Variants in EBF2 observed in about 807,000 individuals in gnomAD.
EBF2 encodes EBF transcription factor 2.
A neutral mutation model predicts 72.8 loss-of-function variants in EBF2; 21 were observed. That is an observed-to-expected ratio of 0.29 (90% confidence interval 0.20 to 0.42). The LOEUF is 0.42. Among genes scored for constraint, EBF2 ranks in the 10% least tolerant of loss-of-function variants. The probability of loss-of-function intolerance (pLI) is 1.00; values close to 1 mark genes in which losing one functional copy is unlikely to be tolerated. For missense variants in EBF2, 637 were observed against 731.2 expected (o/e 0.87, Z 1.49); for synonymous variants, 299 against 274.2 (o/e 1.09, Z -0.89).
In EBF2 at chr8:25,843,091, C is replaced by G. The variant is rs1801766604; in HGVS notation, c.*1518G>C. 1 of 152,174 alleles carries G rather than the reference C, an allele frequency of 6.6e-6. No individual in the cohort carries two copies. Among genetic ancestry groups the G allele is most frequent in the Admixed American group, 6.5e-5 (1 of 15,272 alleles). The allele number at this position is 152,174 out of a possible 1,614,324, so 9.4% of individuals were successfully genotyped here. ...GTTAGCAGCTAAGGCAAGGTTCTTC[C>G]CCTCTAAGAGCTAGTCACAAAACGA... On this transcript the variant is annotated 3_prime_UTR_variant, in exon 16 of 16. Transcript: ENST00000520164.
chr8:25,883,458 G>C (rs1030627841), intron 10 of EBF2, among the ~76,000 whole-genome samples: 3 of 148,338 alleles, frequency 2.0e-5, no homozygotes, highest in Non-Finnish European at 4.4e-5. Context: ...TTCTAGAACT[G>C]TAAGCTGATA....
At chr8:26,031,121 G>C (rs1027570313) in intron 6 of EBF2, among the ~76,000 whole-genome samples, 2 of 152,098 alleles carry the variant, frequency 1.3e-5, no homozygotes, top group Non-Finnish European at 2.9e-5. Context: ...CGGTTTACAG[G>C]GTGTTTATTA....
intron 6 of EBF2, among the ~76,000 whole-genome samples, chr8:25,983,690 C>A (rs1418530785): frequency 1.3e-5 from 2 of 152,212 alleles, no homozygotes; most frequent in East Asian, 3.9e-4. Context: ...CAACCCCGGG[C>A]TCTAGCTGTG....
intron 6 of EBF2, among the ~76,000 whole-genome samples, chr8:25,963,877 T>C (rs558724597): frequency 5.3e-5 from 8 of 152,358 alleles, no homozygotes; most frequent in African/African-American, 1.4e-4. Context: ...AATGTTTACT[T>C]GTAGTACCCT....
intron 6 of EBF2, among the ~76,000 whole-genome samples, chr8:25,953,517 G>A (rs1363046311): frequency 6.6e-6 from 1 of 152,178 alleles, no homozygotes; most frequent in East Asian, 1.9e-4. Context: ...AGAATGGGTG[G>A]TGGAACCCAT....
chr8:25,906,268 C>G (rs1272479077), intron 7 of EBF2, among the ~76,000 whole-genome samples: 4 of 152,208 alleles, frequency 2.6e-5, no homozygotes, highest in Admixed American at 6.5e-5. Context: ...ACTGCCAACT[C>G]TCTTTTCTCT....
intron 6 of EBF2, among the ~76,000 whole-genome samples, chr8:26,027,945 C>A (rs1040687301): frequency 6.6e-6 from 1 of 152,014 alleles, no homozygotes; most frequent in Non-Finnish European, 1.5e-5. Context: ...TGGTGGTTTC[C>A]ATGTGCTTGC....
At chr8:25,882,171 A>G (rs1194438956) in intron 10 of EBF2, among the ~76,000 whole-genome samples, 1 of 152,150 alleles carries the variant, frequency 6.6e-6, no homozygotes, top group Non-Finnish European at 1.5e-5. Flanking sequence ...CTTCAGCTGT[A>G]AAATTTACCC....
intron 6 of EBF2, among the ~76,000 whole-genome samples, chr8:25,988,547 A>G (rs1804497340): frequency 6.6e-6 from 1 of 152,236 alleles, no homozygotes; most frequent in African/African-American, 2.4e-5. Context: ...GCTTCAGTCA[A>G]TGAATAAATC....
chr8:26,037,339 C>T lies in EBF2; in HGVS notation c.482+2689G>A, dbSNP rs572433878. Among the ~76,000 whole-genome samples the T allele has an allele frequency of 4.6e-5, 7 of 152,284 alleles. No homozygotes were observed. In the East Asian group the frequency reaches 7.7e-4, roughly 17 times the overall value. The stretch of plus-strand genomic sequence containing the variant: ...CAGCCAAACTCCAGCTCACGACAAG[C>T]GAGTGTGTCCCTTTCCCCTCCAAAA... On this transcript the variant is annotated intron_variant, in intron 5 of 15. Transcript: ENST00000520164.
chr8:25,983,358 G>A (rs1194993974), intron 6 of EBF2, among the ~76,000 whole-genome samples: 2 of 152,192 alleles, frequency 1.3e-5, no homozygotes, highest in Admixed American at 6.5e-5. Context: ...ACACAAAAGC[G>A]AAAGTAATGA....
chr8:25,907,248 A>C (rs1350816811), intron 7 of EBF2, among the ~76,000 whole-genome samples: 1 of 151,426 alleles, frequency 6.6e-6, no homozygotes, highest in Non-Finnish European at 1.5e-5. Flanking sequence ...GCAAAACCCC[A>C]TCTCTACCAA....
chr8:25,956,359 C>T (rs1366567656), intron 6 of EBF2, among the ~76,000 whole-genome samples: 2 of 151,090 alleles, frequency 1.3e-5, no homozygotes, highest in Non-Finnish European at 2.9e-5. Flanking sequence ...GAGCCGAGAT[C>T]GCATCATTGT....
At chr8:25,852,768 A>C (rs1381600524) in intron 14 of EBF2, among the ~76,000 whole-genome samples, 1 of 152,258 alleles carries the variant, frequency 6.6e-6, no homozygotes, top group African/African-American at 2.4e-5. Context: ...TTAAAATTCG[A>C]TGCAACTATA....
chr8:25,939,213 A>G (rs776656506), intron 6 of EBF2, among the ~76,000 whole-genome samples: 19 of 152,326 alleles, frequency 1.2e-4, no homozygotes, highest in South Asian at 2.1e-4. Flanking sequence ...TTTCTTTTAC[A>G]TCACTAGATT....
At chr8:25,893,827 C>A (rs1027336968) in intron 7 of EBF2, among the ~76,000 whole-genome samples, 1 of 152,162 alleles carries the variant, frequency 6.6e-6, no homozygotes, top group Non-Finnish European at 1.5e-5. Context: ...GAACATTTCC[C>A]GAATGACATA....
At chr8:26,000,885 C>T (rs765589484) in intron 6 of EBF2, among the ~76,000 whole-genome samples, 1 of 152,066 alleles carries the variant, frequency 6.6e-6, no homozygotes, top group Non-Finnish European at 1.5e-5. Context: ...AAAGGAAAAT[C>T]GTTGTATTAT....
chr8:25,915,671 A>G (rs1294131010), intron 6 of EBF2, among the ~76,000 whole-genome samples: 3 of 151,646 alleles, frequency 2.0e-5, no homozygotes, highest in Non-Finnish European at 2.9e-5. Flanking sequence ...TTTGTCTATG[A>G]AGACGATGGG....
intron 10 of EBF2, among the ~76,000 whole-genome samples, chr8:25,881,665 A>G (rs1297838289): frequency 6.6e-6 from 1 of 152,210 alleles, no homozygotes; most frequent in Non-Finnish European, 1.5e-5. Flanking sequence ...CCATGGACCT[A>G]AGTTAGGACA....
Sources: allele counts gnomAD v4.1 joint callset (sites outside exome capture counted in the v4.1 genomes callset), GRCh38; gene constraint gnomAD v4.1.1; transcripts MANE v1.5; gene names NCBI Gene and HGNC (gene_info 2026-07-23, HGNC 2026-07-21).